Variants in F13A1 observed in about 807,000 individuals in gnomAD.
F13A1 encodes coagulation factor XIII A chain, also known as FSF, A subunit.
F13A1 carries 47 observed loss-of-function variants against 80.1 expected under a neutral mutation model. The observed-to-expected ratio is 0.59, with a 90% confidence interval of 0.46 to 0.75. The LOEUF (loss-of-function observed/expected upper bound fraction) is 0.75, where lower values mean the gene tolerates loss of function less well. Ranked by LOEUF, F13A1 falls within the 30% of genes least tolerant of loss-of-function variation. The pLI is 0.00. For missense variants in F13A1, 817 were observed against 930.4 expected, an observed-to-expected ratio of 0.88 and a Z score of 1.59; for synonymous variants, 349 against 344.9, an observed-to-expected ratio of 1.01 and a Z score of -0.13.
chr6:6,199,413 C>G (rs1250817072), intron 8 of F13A1, among the ~76,000 whole-genome samples: 1 of 151,844 alleles, frequency 6.6e-6, no homozygotes, highest in Non-Finnish European at 1.5e-5. Context: ...TGGCGTGAAC[C>G]CGGGAGGCGG....
chr6:6,288,497 A>C (rs796631898), intron 3 of F13A1, among the ~76,000 whole-genome samples: 34 of 152,204 alleles, frequency 2.2e-4, no homozygotes, highest in African/African-American at 8.2e-4. Context: ...GAATGGCAGA[A>C]TTTTCCTTCT....
At chr6:6,265,697 CA>C (rs1757833754) in intron 4 of F13A1, among the ~76,000 whole-genome samples, 1 of 152,168 alleles carries the variant, frequency 6.6e-6, no homozygotes, top group Admixed American at 6.5e-5. Context: ...TTATGGTTTG[CA>C]AAATTTGCAC....
intron 2 of F13A1, among the ~76,000 whole-genome samples, chr6:6,310,804 G>T (rs1465632746): frequency 6.6e-6 from 1 of 152,120 alleles, no homozygotes; most frequent in Admixed American, 6.5e-5. Context: ...TGGCCCTTAG[G>T]ACCAATCATT....
At chr6:6,307,001 G>A (rs1236548104) in intron 2 of F13A1, among the ~76,000 whole-genome samples, 1 of 152,232 alleles carries the variant, frequency 6.6e-6, no homozygotes, top group Non-Finnish European at 1.5e-5. Context: ...AGGCAATCCT[G>A]AGTTTGAATC....
intron 2 of F13A1, among the ~76,000 whole-genome samples, chr6:6,313,280 C>CTTTTTTTTTTTTTTTTTTTT (rs5874027): frequency 2.4e-5 from 3 of 126,786 alleles, no homozygotes; most frequent in African/African-American, 9.1e-5. Context: ...GCTAAGCCGC[C>CTTTTTTTTTTTTTTTTTTTT]TTTTTTTTTT....
At chr6:6,305,193 C>A in intron 3 of F13A1, 158 bp downstream of exon 3, 1 of 821,418 alleles carries the variant, frequency 1.2e-6, no homozygotes, top group Non-Finnish European at 2.1e-6. Flanking sequence ...CTATACAGAC[C>A]AGTCTTAGAG....
chr6:6,282,901 C>T (rs1490871583), intron 3 of F13A1, among the ~76,000 whole-genome samples: 1 of 152,130 alleles, frequency 6.6e-6, no homozygotes, highest in East Asian at 1.9e-4. Flanking sequence ...AGCCTGACTC[C>T]CCCACTACCT....
rs967826521 is a variant in F13A1 at position 6,243,253 on chromosome 6, CCATCAT to C, written c.798+5053_798+5058del. On this transcript the variant is annotated intron_variant, in intron 6 of 14. Coordinates refer to ENST00000264870, the MANE Select transcript of F13A1 (RefSeq NM_000129.4). This position sits in a 1 kb window ranked among gnomAD's most constrained non-coding sequence, Gnocchi z 4.2. ...GTCACCATCTCCACCACCACCATCA[CCATCAT>C]CATCACTATCACCACCATAATCACC... is the stretch of plus-strand genomic sequence containing the variant. Among the ~76,000 whole-genome samples, 1 of 151,318 alleles carries C rather than the reference CCATCAT, an allele frequency of 6.6e-6. No individual in the cohort carries two copies. The highest frequency in any genetic ancestry group is 1.5e-5 in the Non-Finnish European group (1 of 67,824).
chr6:6,162,268 C>A lies in F13A1; in HGVS notation c.1908+5190G>T, dbSNP rs1169846355. Among the ~76,000 whole-genome samples the A allele has an allele frequency of 1.3e-5, 2 of 152,172 alleles. No homozygotes were observed. The highest frequency in any genetic ancestry group is 1.3e-4 in the Admixed American group (2 of 15,280). ...CTCATCCCTGCTCCCAGCCTCCACCCCAGCCAAGGCACGCTTCTCACTGCT... is the reference window on the plus strand; with the variant it reads ...CTCATCCCTGCTCCCAGCCTCCACCACAGCCAAGGCACGCTTCTCACTGCT... On this transcript the variant is annotated intron_variant, in intron 13 of 14. Transcript: ENST00000264870. This position sits in a 1 kb window ranked among gnomAD's most constrained non-coding sequence, Gnocchi z 4.2.
chr6:6,180,653 T>A (rs1421700029), intron 11 of F13A1, among the ~76,000 whole-genome samples: 2 of 152,208 alleles, frequency 1.3e-5, no homozygotes, highest in Non-Finnish European at 2.9e-5. Flanking sequence ...GACAAAAAAA[T>A]ACCACCTTTG....
chr6:6,147,583 T>C (rs2151067180), intron 14 of F13A1, among the ~76,000 whole-genome samples: 1 of 152,338 alleles, frequency 6.6e-6, no homozygotes, highest in Middle Eastern at 3.4e-3. Context: ...TCATTCTCTC[T>C]CCTCTGGTTC....
intron 11 of F13A1, 131 bp downstream of exon 11, chr6:6,181,857 T>C: frequency 1.0e-6 from 1 of 994,166 alleles, no homozygotes; most frequent in Non-Finnish European, 1.6e-6. Flanking sequence ...CACGTGAAAG[T>C]TTATACTTCT....
At chr6:6,248,172 T>A (rs1365839078) in intron 6 of F13A1, 140 bp downstream of exon 6, 1 of 757,114 alleles carries the variant, frequency 1.3e-6, no homozygotes, top group Non-Finnish European at 2.3e-6. Context: ...GAGCTATAAC[T>A]GGGTGTCAGA....
intron 3 of F13A1, among the ~76,000 whole-genome samples, chr6:6,294,697 T>C (rs1758292083): frequency 6.6e-6 from 1 of 151,922 alleles, no homozygotes; most frequent in Non-Finnish European, 1.5e-5. Flanking sequence ...CTCTTAAAGA[T>C]GTACTGGTAG....
At chr6:6,171,618 T>C (rs1317810936) in intron 12 of F13A1, among the ~76,000 whole-genome samples, 1 of 152,226 alleles carries the variant, frequency 6.6e-6, no homozygotes, top group Non-Finnish European at 1.5e-5. Context: ...CTCTTTAGTC[T>C]CTTCTCAACA....
chr6:6,200,583 A>T (rs941565408), intron 8 of F13A1, among the ~76,000 whole-genome samples: 1 of 151,786 alleles, frequency 6.6e-6, no homozygotes, highest in Non-Finnish European at 1.5e-5. Context: ...CTAGGTTGTA[A>T]GACAGAAGAA....
At chr6:6,158,297 G>C (rs1357467491) in intron 13 of F13A1, among the ~76,000 whole-genome samples, 1 of 152,126 alleles carries the variant, frequency 6.6e-6, no homozygotes, top group Non-Finnish European at 1.5e-5. Flanking sequence ...TGGATGCAGG[G>C]GCTGAAGACC....
intron 4 of F13A1, among the ~76,000 whole-genome samples, chr6:6,259,969 A>G (rs1284575001): frequency 6.6e-6 from 1 of 152,226 alleles, no homozygotes; most frequent in Non-Finnish European, 1.5e-5. Context: ...GGAACATTCT[A>G]TATTTAAATA....
rs762877220 is a variant in F13A1 at position 6,206,559 on chromosome 6, A to G, written c.1113-9233T>C. The G allele has an allele frequency of 4.8e-5, 24 of 501,764 alleles. No homozygotes were observed. The Admixed American group carries it at 4.9e-4, about 10-fold the overall frequency. The allele number at this position is 501,764 out of a possible 1,614,324, so 31.1% of individuals were successfully genotyped here. On this transcript the variant is annotated intron_variant, in intron 8 of 14. Coordinates refer to ENST00000264870, the MANE Select transcript of F13A1 (RefSeq NM_000129.4). The stretch of plus-strand genomic sequence containing the variant: ...GAGACTTGAGTGGAATGAGGGCTTC[A>G]GGCGCTCTTTGGAGACATTCCAGCA...
Sources: gnomAD v4.1 joint callset for allele counts (sites outside exome capture counted in the v4.1 genomes callset) on GRCh38, gnomAD v4.1.1 for gene constraint, Gnocchi (gnomAD v3.1) non-coding constraint, MANE v1.5 for transcripts, NCBI Gene and HGNC (gene_info 2026-07-23, HGNC 2026-07-21) for gene names.